PCDH11X: variants seen among roughly 807,000 people sequenced by gnomAD.
PCDH11X encodes the protein protocadherin-11 X-linked.
Under a neutral mutation model 53.3 loss-of-function variants are expected in PCDH11X, and 18 were observed. The observed-to-expected ratio is 0.34, with a 90% CI of 0.23 to 0.50. The LOEUF (loss-of-function observed/expected upper bound fraction) is 0.50. Ranked by LOEUF, PCDH11X falls within the 20% of genes least tolerant of loss-of-function variation. The pLI is 0.98. For missense variants in PCDH11X, 570 were observed against 1,032.4 expected (o/e 0.55, Z 6.14); for synonymous variants, 279 against 393.3 (o/e 0.71, Z 3.44).
chrX:92,615,550 G>C (rs1189998253), intron 10 of PCDH11X, among the ~76,000 whole-genome samples: 4 of 111,084 alleles, frequency 3.6e-5, no homozygotes, highest in African/African-American at 1.3e-4. Flanking sequence ...TACTGCTGTG[G>C]TGCTTTCTAC....
chrX:91,886,009 T>G (rs1160648564), intron 6 of PCDH11X, among the ~76,000 whole-genome samples: 2 of 111,475 alleles, frequency 1.8e-5, no homozygotes, highest in Non-Finnish European at 3.8e-5. Flanking sequence ...CATCCTTTGC[T>G]TTTGTTTGAG....
chrX:91,816,405 A>T (rs1368213493), intron 4 of PCDH11X, among the ~76,000 whole-genome samples: 1 of 111,093 alleles, frequency 9.0e-6, no homozygotes, highest in East Asian at 2.8e-4. Flanking sequence ...TTGTATAGGG[A>T]ACATTGAAGG....
chrX:92,383,274 G>T (rs769545300), intron 8 of PCDH11X, among the ~76,000 whole-genome samples: 12 of 108,386 alleles, frequency 1.1e-4, no homozygotes, highest in African/African-American at 4.0e-4. Flanking sequence ...TTATAAGAGG[G>T]GTCCTAGAGG....
At chrX:91,924,975 C>T (rs1257910676) in intron 6 of PCDH11X, among the ~76,000 whole-genome samples, 1 of 109,788 alleles carries the variant, frequency 9.1e-6, no homozygotes, top group East Asian at 2.9e-4. Flanking sequence ...CAACATATGG[C>T]AGTCTCATCT....
chrX:91,844,270 T>C (rs1178517960), intron 5 of PCDH11X, among the ~76,000 whole-genome samples: 1 of 111,052 alleles, frequency 9.0e-6, no homozygotes, highest in Non-Finnish European at 1.9e-5. Context: ...TCAGTGCCAC[T>C]GGCTCTACAT....
intron 8 of PCDH11X, among the ~76,000 whole-genome samples, chrX:92,375,418 T>C (rs1367420282): frequency 1.0e-5 from 1 of 100,239 alleles, no homozygotes; most frequent in East Asian, 3.1e-4. Flanking sequence ...GACCTCATGA[T>C]CCACCCTCCT....
intron 6 of PCDH11X, among the ~76,000 whole-genome samples, chrX:92,070,839 G>T (rs2063690362): frequency 9.0e-6 from 1 of 111,164 alleles, no homozygotes. Context: ...TTGCTCTGTT[G>T]CCCAGGCTGG....
At chrX:91,797,122 T>C (rs1248111182) in intron 1 of PCDH11X, among the ~76,000 whole-genome samples, 2 of 109,539 alleles carry the variant, frequency 1.8e-5, no homozygotes, top group Non-Finnish European at 3.8e-5. Flanking sequence ...TAAAAGTACA[T>C]CAGTTAAACT....
chrX:92,220,833 A>G (rs1422721443), intron 7 of PCDH11X, among the ~76,000 whole-genome samples: 10 of 105,850 alleles, frequency 9.4e-5, no homozygotes, highest in Non-Finnish European at 1.8e-4. Context: ...GATTAAGAAA[A>G]TGTGGCACAT....
intron 8 of PCDH11X, among the ~76,000 whole-genome samples, chrX:92,351,967 G>C (rs1306834781): frequency 8.9e-6 from 1 of 111,857 alleles, no homozygotes; most frequent in Non-Finnish European, 1.9e-5. Context: ...TTCAAGCAAT[G>C]GGAAATTGGA....
At chrX:92,253,430 G>T (rs750737286) in intron 7 of PCDH11X, among the ~76,000 whole-genome samples, 1 of 108,045 alleles carries the variant, frequency 9.3e-6, no homozygotes, top group South Asian at 4.1e-4. Context: ...TGGGTCTTTT[G>T]TGGTTCCATA....
chrX:92,036,348 G>A (rs1159080496), intron 6 of PCDH11X, among the ~76,000 whole-genome samples: 1 of 108,815 alleles, frequency 9.2e-6, no homozygotes, highest in Non-Finnish European at 1.9e-5. Flanking sequence ...ATCTTGAATT[G>A]TAACTCCTAC....
chrX:91,873,160 T>C (rs997356657), intron 5 of PCDH11X, among the ~76,000 whole-genome samples: 2 of 108,575 alleles, frequency 1.8e-5, no homozygotes, highest in African/African-American at 3.3e-5. Context: ...GGGTTATGCA[T>C]GCAATCACCT....
chrX:92,176,451 G>A (rs368371045), intron 6 of PCDH11X, among the ~76,000 whole-genome samples: 1 of 111,820 alleles, frequency 8.9e-6, no homozygotes. Context: ...CATTAATTCA[G>A]TGTGCAATAT....
rs990844394 is a variant in PCDH11X, at chrX:92,200,295, A to T, written c.3034-1080A>T. ...ATAACAGACAATGGAGAGGATGTGG[A>T]AAAAGGGGAATGCTAGCACCTTGGT... is the stretch of plus-strand genomic sequence containing the variant. On this transcript the variant is annotated intron_variant, in intron 6 of 10. Coordinates refer to ENST00000682573, the MANE Select transcript of PCDH11X (RefSeq NM_032968.5). 6.3e-5 allele frequency among the ~76,000 whole-genome samples: 7 copies of T among 111,369 alleles called. No individual in the cohort carries two copies. The East Asian group carries it at 2.0e-3, about 32-fold the overall frequency.
intron 6 of PCDH11X, among the ~76,000 whole-genome samples, chrX:92,136,353 T>C (rs2065083088): frequency 9.1e-6 from 1 of 109,954 alleles, no homozygotes; most frequent in Non-Finnish European, 1.9e-5. Flanking sequence ...GGAAGAGGAA[T>C]AGGAGATAAG....
At chrX:92,210,604 T>C (rs762431669) in intron 7 of PCDH11X, among the ~76,000 whole-genome samples, 2 of 111,696 alleles carry the variant, frequency 1.8e-5, no homozygotes, top group African/African-American at 6.5e-5. Flanking sequence ...TTTTATGCTC[T>C]ACTTCCATTT....
intron 7 of PCDH11X, among the ~76,000 whole-genome samples, chrX:92,239,091 T>A (rs1266819817): frequency 9.0e-6 from 1 of 111,713 alleles, no homozygotes; most frequent in Non-Finnish European, 1.9e-5. Context: ...TCTTCTTAAA[T>A]TTATTTTGAA....
chrX:91,878,980 C>G lies in PCDH11X; in HGVS notation c.2740C>G (p.Gln914Glu). The change falls in exon 6 of 11, where the codon CAA (glutamine) becomes GAA (glutamate). Residue 914 changes from glutamine to glutamate, a missense_variant. Transcript: ENST00000682573. ...TLDLPIDLEE[Q>E]TMGKYNWVTT... The stretch of plus-strand genomic sequence containing the variant: ...AGACCTTCCTATTGATCTAGAAGAG[C>G]AAACAATGGGAAAGTACAATTGGGT... The G allele has an allele frequency of 8.3e-7, 1 of 1,211,434 alleles. No individual in the cohort carries two copies. The highest frequency in any genetic ancestry group is 1.1e-6 in the Non-Finnish European group (1 of 895,381).
Sources: gnomAD v4.1 joint callset for allele counts (sites outside exome capture counted in the v4.1 genomes callset) on GRCh38, gnomAD v4.1.1 for gene constraint, MANE v1.5 for transcripts, NCBI Gene and HGNC (gene_info 2026-07-23, HGNC 2026-07-21) for gene names.